The following NRG3 variants were observed in gnomAD, a reference collection of about 807,000 sequenced individuals.
NRG3 encodes the protein pro-neuregulin-3, membrane-bound isoform.
NRG3 carries 31 observed loss-of-function variants against 66.9 expected under a neutral mutation model. The ratio of observed to expected loss-of-function variants is 0.46; its 90% CI spans 0.35 to 0.63. The LOEUF (loss-of-function observed/expected upper bound fraction) is 0.63. NRG3 is among the 20% of genes least tolerant of loss of function. The pLI is 0.00. For synonymous variants in NRG3, 393 were observed against 359.4 expected (o/e 1.09, Z -1.06); for missense variants, 910 against 878.9 (o/e 1.04, Z -0.45).
chr10:82,176,434 C>A (rs779092383), intron 1 of NRG3, among the ~76,000 whole-genome samples: 4 of 152,108 alleles, frequency 2.6e-5, no homozygotes, highest in Non-Finnish European at 4.4e-5. Flanking sequence ...TGTTATATGC[C>A]TCTTTTTGCT....
At chr10:82,337,333 A>C (rs930539735) in intron 1 of NRG3, among the ~76,000 whole-genome samples, 2 of 152,362 alleles carry the variant, frequency 1.3e-5, no homozygotes, top group East Asian at 3.9e-4. Context: ...AGCATGCATC[A>C]GTAAATAATG....
rs529741986 is a variant in NRG3 at position 82,949,872 on chromosome 10, C to CA, written c.1055-1587dup. Among the ~76,000 whole-genome samples, 449 of 144,210 alleles carry CA rather than the reference C, an allele frequency of 3.1e-3. 2 individuals are homozygous for CA. The highest frequency in any genetic ancestry group is 0.014 in the South Asian group (64 of 4,440). 94.6% of individuals were successfully genotyped at this position (144,210 alleles called of 152,430 possible). On this transcript the variant is annotated intron_variant, in intron 4 of 8. Transcript: ENST00000372141. The stretch of plus-strand genomic sequence containing the variant: ...TCTATATCAAAAACAAAAACAAAAC[C>CA]AAAAAAAAAACCAAAAAGATCCTGA...
intron 3 of NRG3, among the ~76,000 whole-genome samples, chr10:82,779,456 T>G (rs1253243205): frequency 1.3e-5 from 2 of 152,160 alleles, no homozygotes; most frequent in Admixed American, 1.3e-4. Flanking sequence ...CTTTAGTTGC[T>G]CTGACCAAAA....
intron 3 of NRG3, among the ~76,000 whole-genome samples, chr10:82,858,119 T>C (rs1165855616): frequency 6.6e-6 from 1 of 152,214 alleles, no homozygotes; most frequent in Non-Finnish European, 1.5e-5. Context: ...GACCATCAAA[T>C]GTCACGTCCC....
chr10:82,386,021 A>C (rs866099608), intron 2 of NRG3, among the ~76,000 whole-genome samples: 5 of 152,160 alleles, frequency 3.3e-5, no homozygotes, highest in South Asian at 2.1e-4. Context: ...GTTGAAGGAA[A>C]AAAAATCACA....
At chr10:82,136,510 C>T (rs1667880210) in intron 1 of NRG3, among the ~76,000 whole-genome samples, 1 of 152,168 alleles carries the variant, frequency 6.6e-6, no homozygotes, top group Admixed American at 6.6e-5. Context: ...CTTGATGCTC[C>T]ATTTTACTGC....
At chr10:82,081,593 G>A (rs1178080997) in intron 1 of NRG3, among the ~76,000 whole-genome samples, 1 of 152,092 alleles carries the variant, frequency 6.6e-6, no homozygotes, top group African/African-American at 2.4e-5. Flanking sequence ...TGAAAAGTAG[G>A]GCAGCTATTG....
At chr10:82,711,107 C>G (rs2056639067) in intron 2 of NRG3, among the ~76,000 whole-genome samples, 1 of 152,142 alleles carries the variant, frequency 6.6e-6, no homozygotes, top group African/African-American at 2.4e-5. Context: ...GAGACAGGGT[C>G]TCACTCTGTC....
intron 2 of NRG3, among the ~76,000 whole-genome samples, chr10:82,590,799 A>G (rs2046941424): frequency 6.6e-6 from 1 of 152,176 alleles, no homozygotes; most frequent in Admixed American, 6.5e-5. Flanking sequence ...GTTTGGAACC[A>G]AAGATTTCAA....
chr10:82,282,785 T>C (rs1564746072), intron 1 of NRG3, among the ~76,000 whole-genome samples: 4 of 152,160 alleles, frequency 2.6e-5, no homozygotes. Context: ...TGTCCATGCC[T>C]GTGGGATGCT....
chr10:82,763,822 G>A (rs925262645), intron 3 of NRG3, among the ~76,000 whole-genome samples: 1 of 152,108 alleles, frequency 6.6e-6, no homozygotes, highest in Non-Finnish European at 1.5e-5. Context: ...TAAAATATGT[G>A]TATTAGAATT....
chr10:82,062,981 GC>G (rs1456518012), intron 1 of NRG3, among the ~76,000 whole-genome samples: 1 of 152,006 alleles, frequency 6.6e-6, no homozygotes, highest in African/African-American at 2.4e-5. Flanking sequence ...ATTATCTGCC[GC>G]CCACCCCACC....
At chr10:82,774,042 G>C (rs919771158) in intron 3 of NRG3, among the ~76,000 whole-genome samples, 18 of 152,040 alleles carry the variant, frequency 1.2e-4, no homozygotes, top group Non-Finnish European at 2.2e-4. Context: ...TGCATGCCAG[G>C]GATATATCAC....
intron 2 of NRG3, among the ~76,000 whole-genome samples, chr10:82,525,956 G>A (rs1264001953): frequency 1.3e-5 from 2 of 151,874 alleles, no homozygotes; most frequent in Non-Finnish European, 2.9e-5. Context: ...CAGATTAGAT[G>A]TAACTAAAGA....
intron 1 of NRG3, among the ~76,000 whole-genome samples, chr10:82,300,545 C>G (rs1210232355): frequency 6.6e-6 from 1 of 151,974 alleles, no homozygotes; most frequent in Non-Finnish European, 1.5e-5. Context: ...TGAATTGGTT[C>G]GAGGCATAGC....
chr10:82,336,812 C>A (rs2082414094), intron 1 of NRG3, among the ~76,000 whole-genome samples: 1 of 152,130 alleles, frequency 6.6e-6, no homozygotes, highest in Admixed American at 6.5e-5. Flanking sequence ...GTTATTTCTG[C>A]AAATGGAGAG....
chr10:82,725,501 A>C (rs951298994), intron 2 of NRG3, among the ~76,000 whole-genome samples: 3 of 152,194 alleles, frequency 2.0e-5, no homozygotes, highest in Non-Finnish European at 2.9e-5. Context: ...AAAACAAGAG[A>C]TAGCTAAATT....
At chr10:82,953,053 G>C (rs779458114) in intron 5 of NRG3, among the ~76,000 whole-genome samples, 3 of 151,804 alleles carry the variant, frequency 2.0e-5, no homozygotes, top group African/African-American at 4.9e-5. Flanking sequence ...TGTATTTTCA[G>C]ATTTCCTTAG....
rs189450217 is a variant in NRG3 at position 82,189,672 on chromosome 10, C to T, written c.824-169067C>T. 3.3e-3 allele frequency among the ~76,000 whole-genome samples: 500 copies of T among 152,210 alleles called. 2 individuals carry two copies. Among genetic ancestry groups the T allele is most frequent in the African/African-American group, 0.011 (477 of 41,552 alleles). On this transcript the variant is annotated intron_variant, in intron 1 of 8. Coordinates refer to ENST00000372141, the MANE Select transcript of NRG3 (RefSeq NM_001010848.4). ...AGGTGTGGCGGCATGCTCTTGTAATCCCAGCTACTTGGGAGGCTTAGGTAG... is the reference window on the plus strand; with the variant it reads ...AGGTGTGGCGGCATGCTCTTGTAATTCCAGCTACTTGGGAGGCTTAGGTAG...
Sources: allele counts gnomAD v4.1 joint callset (sites outside exome capture counted in the v4.1 genomes callset), GRCh38; gene constraint gnomAD v4.1.1; transcripts MANE v1.5; gene names NCBI Gene and HGNC (gene_info 2026-07-23, HGNC 2026-07-21).